The following NTM variants were observed in gnomAD, a reference collection of about 807,000 sequenced individuals.
NTM encodes neurotrimin.
A neutral mutation model predicts 42.1 loss-of-function variants in NTM; 13 were observed. The observed-to-expected ratio is 0.31, with a 90% CI of 0.20 to 0.49. The LOEUF is 0.49. NTM is among the 20% of genes least tolerant of loss of function. The probability of loss-of-function intolerance (pLI) is 0.99; values close to 1 mark genes in which losing one functional copy is unlikely to be tolerated. For synonymous variants in NTM, 187 were observed against 179.2 expected, an observed-to-expected ratio of 1.04 and a Z score of -0.35; for missense variants, 373 against 452.8, an observed-to-expected ratio of 0.82 and a Z score of 1.60.
chr11:132,130,034 A>T (rs2066542591), intron 2 of NTM, among the ~76,000 whole-genome samples: 1 of 152,198 alleles, frequency 6.6e-6, no homozygotes, highest in South Asian at 2.1e-4. Flanking sequence ...TGAAATGTAA[A>T]TGTATCTGAT....
chr11:132,210,228 G>T (rs890894854), intron 3 of NTM, among the ~76,000 whole-genome samples: 1 of 152,266 alleles, frequency 6.6e-6, no homozygotes, highest in East Asian at 1.9e-4. Flanking sequence ...TTCAAGGAAA[G>T]AATATAACAT....
At chr11:132,218,810 T>C (rs2084490784) in intron 4 of NTM, among the ~76,000 whole-genome samples, 1 of 152,182 alleles carries the variant, frequency 6.6e-6, no homozygotes. Context: ...AATGCCTGGC[T>C]CTTCTCTGAG....
intron 1 of NTM, among the ~76,000 whole-genome samples, chr11:131,762,774 G>T (rs1208443914): frequency 6.6e-6 from 1 of 152,220 alleles, no homozygotes; most frequent in African/African-American, 2.4e-5. Flanking sequence ...TGCCCAGCCT[G>T]ACTGCTCTTA....
At chr11:131,857,792 A>G (rs1423935035) in intron 1 of NTM, among the ~76,000 whole-genome samples, 2 of 151,956 alleles carry the variant, frequency 1.3e-5, no homozygotes, top group East Asian at 3.9e-4. Context: ...TTGTCTCCTT[A>G]TCTCCTGGCT....
At chr11:132,011,603 C>T (rs547579637) in intron 2 of NTM, among the ~76,000 whole-genome samples, 69 of 152,180 alleles carry the variant, frequency 4.5e-4, no homozygotes, top group African/African-American at 1.7e-3. Context: ...AAGCATTATC[C>T]AAATTAATTC....
At chr11:132,231,891 T>C (rs1040408947) in intron 4 of NTM, among the ~76,000 whole-genome samples, 1 of 135,812 alleles carries the variant, frequency 7.4e-6, no homozygotes, top group East Asian at 2.1e-4. Flanking sequence ...GCTGTTTTCA[T>C]GCACTTTTCA....
intron 1 of NTM, among the ~76,000 whole-genome samples, chr11:131,509,171 C>T (rs1156579470): frequency 4.6e-5 from 7 of 152,306 alleles, no homozygotes; most frequent in East Asian, 1.9e-4. Context: ...AGCTGATGCT[C>T]CTTTCCTCCT....
At chr11:131,873,561 CCGTATATATAT>C (rs1565657375) in intron 1 of NTM, among the ~76,000 whole-genome samples, 10 of 38,912 alleles carry the variant, frequency 2.6e-4, no homozygotes, top group Non-Finnish European at 5.1e-4. Flanking sequence ...TATATATATA[CCGTATATATAT>C]ACATATATAT....
intron 1 of NTM, among the ~76,000 whole-genome samples, chr11:131,890,714 G>A (rs990509739): frequency 3.3e-5 from 5 of 152,240 alleles, no homozygotes; most frequent in African/African-American, 4.8e-5. Context: ...CGAGCTCCTC[G>A]TGAAAAGCTC....
chr11:132,032,717 A>T (rs2076077675), intron 2 of NTM, among the ~76,000 whole-genome samples: 1 of 152,100 alleles, frequency 6.6e-6, no homozygotes, highest in Admixed American at 6.5e-5. Flanking sequence ...ATTTACTCAT[A>T]CTTTAAGATA....
intron 1 of NTM, among the ~76,000 whole-genome samples, chr11:131,657,678 C>T (rs1302870357): frequency 6.6e-6 from 1 of 152,218 alleles, no homozygotes; most frequent in African/African-American, 2.4e-5. Flanking sequence ...TCTCTTATCG[C>T]TGGAATCCCA....
chr11:132,171,179 A>G (rs4544010), intron 3 of NTM, among the ~76,000 whole-genome samples: 19,446 of 152,086 alleles, frequency 0.13, 1,494 homozygotes, highest in East Asian at 0.26. Flanking sequence ...ACTTTTCCCC[A>G]GGGCAGCACA....
intron 1 of NTM, among the ~76,000 whole-genome samples, chr11:131,849,693 C>T (rs2045299387): frequency 6.6e-6 from 1 of 151,802 alleles, no homozygotes; most frequent in Non-Finnish European, 1.5e-5. Context: ...AAAGTCTCCA[C>T]TGACAAAAAT....
chr11:132,137,326 G>C (rs2068128229), intron 2 of NTM, among the ~76,000 whole-genome samples: 1 of 152,192 alleles, frequency 6.6e-6, no homozygotes, highest in Non-Finnish European at 1.5e-5. Flanking sequence ...CTTCTTCGCA[G>C]CTCCTTCCCT....
At chr11:132,250,041 C>T (rs763323074) in intron 4 of NTM, among the ~76,000 whole-genome samples, 41 of 152,314 alleles carry the variant, frequency 2.7e-4, no homozygotes, top group Non-Finnish European at 4.0e-4. Flanking sequence ...AATCCTCTTT[C>T]GAATTTCCTC....
At chr11:131,510,230 G>A (rs1278506804) in intron 1 of NTM, among the ~76,000 whole-genome samples, 1 of 152,168 alleles carries the variant, frequency 6.6e-6, no homozygotes, top group Non-Finnish European at 1.5e-5. Context: ...TGTCACTCTC[G>A]CATCCCTCCG....
intron 1 of NTM, among the ~76,000 whole-genome samples, chr11:131,612,468 C>A (rs1434328826): frequency 6.6e-6 from 1 of 152,196 alleles, no homozygotes; most frequent in African/African-American, 2.4e-5. Flanking sequence ...TGCTGTGATG[C>A]GTCACCAATC....
At chr11:132,089,631 T>C (rs375829824) in intron 2 of NTM, among the ~76,000 whole-genome samples, 2 of 152,226 alleles carry the variant, frequency 1.3e-5, no homozygotes, top group South Asian at 4.1e-4. Flanking sequence ...TTCAACATTG[T>C]CTCCTCTTTT....
At chr11:131,564,556 G>A (rs2056646424) in intron 1 of NTM, among the ~76,000 whole-genome samples, 1 of 151,738 alleles carries the variant, frequency 6.6e-6, no homozygotes, top group East Asian at 1.9e-4. Context: ...TACAAAAATG[G>A]CACATAATTA....
Sources: gnomAD v4.1 joint callset for allele counts (sites outside exome capture counted in the v4.1 genomes callset) on GRCh38, gnomAD v4.1.1 for gene constraint, MANE v1.5 for transcripts, NCBI Gene and HGNC (gene_info 2026-07-23, HGNC 2026-07-21) for gene names.